BEND7: variants seen among roughly 807,000 people sequenced by gnomAD.
BEND7 encodes the protein BEN domain-containing protein 7.
Under a neutral mutation model 50.9 loss-of-function variants are expected in BEND7, and 28 were observed. The ratio of observed to expected loss-of-function variants is 0.55; its 90% CI spans 0.41 to 0.75. BEND7 has a LOEUF of 0.75. BEND7 is among the 30% of genes least tolerant of loss of function. The pLI is 0.00. For synonymous variants in BEND7, 170 were observed against 183.9 expected (o/e 0.92, Z 0.61); for missense variants, 477 against 491.3 (o/e 0.97, Z 0.28).
intron 6 of BEND7, among the ~76,000 whole-genome samples, chr10:13,469,774 C>T (rs900117413): frequency 1.3e-5 from 2 of 152,260 alleles, no homozygotes; most frequent in East Asian, 1.9e-4. Flanking sequence ...CGTGCCCAGC[C>T]GAAAGTTATG....
intron 6 of BEND7, among the ~76,000 whole-genome samples, chr10:13,477,099 A>T (rs942522278): frequency 1.3e-5 from 2 of 152,054 alleles, no homozygotes; most frequent in African/African-American, 4.8e-5. Context: ...TTTTCAGTCC[A>T]TTTCTGTTCC....
intron 2 of BEND7, chr10:13,500,743 G>T (rs2077382820): frequency 1.0e-6 from 1 of 985,424 alleles, no homozygotes; most frequent in Non-Finnish European, 1.2e-6. Flanking sequence ...AAGCGAGGGG[G>T]TTTTGTCTTT....
intron 6 of BEND7, among the ~76,000 whole-genome samples, chr10:13,470,224 G>A (rs1026236445): frequency 1.3e-5 from 2 of 152,186 alleles, no homozygotes; most frequent in African/African-American, 2.4e-5. Flanking sequence ...TGGCACATAT[G>A]GAGCCATTGT....
rs138488053 is a variant in BEND7, at chr10:13,516,299, C to T, written c.145+9839G>A. Among the ~76,000 whole-genome samples, 728 of 152,268 alleles carry T rather than the reference C, an allele frequency of 4.8e-3. 14 individuals are homozygous for T. The South Asian group carries it at 0.071, about 15-fold the overall frequency. On this transcript the variant is annotated intron_variant, in intron 2 of 8. Coordinates refer to ENST00000466271, the MANE Select transcript of BEND7 (RefSeq NM_001369863.1). Reference sequence around the variant, plus strand: ...GCCAGGGCCCTGGTGTTGCAAGATTCCAGGGGTGCTGTCCCTTGTGCCATG... The same window carrying T: ...GCCAGGGCCCTGGTGTTGCAAGATTTCAGGGGTGCTGTCCCTTGTGCCATG...
Position 13,441,441 on chromosome 10 carries a change from C to CGGGG in BEND7, c.*301_*302insCCCC. ...CGTATTTCCAGTGTGTAGATCCGTT[C>CGGGG]ATCGCACACATCTTTGGGTTGAACA... On this transcript the variant is annotated 3_prime_UTR_variant, in exon 9 of 9. Transcript: ENST00000466271. 8.9e-7 allele frequency: 1 copy of CGGGG among 1,124,882 alleles called. No homozygotes were observed. Among genetic ancestry groups the CGGGG allele is most frequent in the Non-Finnish European group, 1.1e-6 (1 of 929,684 alleles). The allele number at this position is 1,124,882 out of a possible 1,614,324, so 69.7% of individuals were successfully genotyped here. A position where few individuals can be genotyped will look rare whatever the true frequency, so the allele number is the denominator to read the frequency against.
rs563856728 is a variant in BEND7 at position 13,483,344 on chromosome 10, A to T, written c.838-2220T>A. ...TTCTTCATGCGCTCATACTGTTTCTAAGAACTCTGTTTACAGCACTTTTCA... is the reference window on the plus strand; with the variant it reads ...TTCTTCATGCGCTCATACTGTTTCTTAGAACTCTGTTTACAGCACTTTTCA... On this transcript the variant is annotated intron_variant, in intron 5 of 8. Coordinates refer to ENST00000466271, the MANE Select transcript of BEND7 (RefSeq NM_001369863.1). 2.6e-4 allele frequency among the ~76,000 whole-genome samples: 39 copies of T among 152,294 alleles called. No individual in the cohort carries two copies. The South Asian group carries it at 8.1e-3, about 32-fold the overall frequency.
intron 5 of BEND7, among the ~76,000 whole-genome samples, chr10:13,490,396 T>C (rs374672395): frequency 7.9e-5 from 12 of 152,230 alleles, no homozygotes; most frequent in Non-Finnish European, 1.8e-4. Flanking sequence ...CGCGTCTCAG[T>C]TGAAGTCTCA....
chr10:13,503,712 A>AAACAAAC (rs147816579), intron 2 of BEND7, among the ~76,000 whole-genome samples: 2 of 151,238 alleles, frequency 1.3e-5, no homozygotes, highest in Non-Finnish European at 3.0e-5. Context: ...ACTCCATCTC[A>AAACAAAC]AAACAAACAA....
At chr10:13,528,201 G>A (rs1372228360) in intron 1 of BEND7, among the ~76,000 whole-genome samples, 3 of 151,942 alleles carry the variant, frequency 2.0e-5, no homozygotes, top group South Asian at 4.1e-4. Context: ...GGCGCCCCGA[G>A]GAGGGCTCGG....
intron 8 of BEND7, chr10:13,444,483 A>C (rs1835870969): frequency 6.6e-6 from 1 of 152,214 alleles, no homozygotes; most frequent in Non-Finnish European, 1.5e-5. Flanking sequence ...AAAGACCTTA[A>C]AAAAGTAATA....
At chr10:13,510,950 G>A (rs912682278) in intron 2 of BEND7, among the ~76,000 whole-genome samples, 9 of 152,142 alleles carry the variant, frequency 5.9e-5, no homozygotes, top group African/African-American at 9.7e-5. Flanking sequence ...GGCTGAGGTG[G>A]ACGGATCACT....
chr10:13,515,510 T>C (rs532468050), intron 2 of BEND7, among the ~76,000 whole-genome samples: 4 of 152,348 alleles, frequency 2.6e-5, no homozygotes, highest in East Asian at 1.9e-4. Flanking sequence ...TACAAGGATA[T>C]TGGTTGTATG....
chr10:13,472,483 T>TA (rs1198213131), intron 6 of BEND7, among the ~76,000 whole-genome samples: 1 of 152,062 alleles, frequency 6.6e-6, no homozygotes, highest in Non-Finnish European at 1.5e-5. Flanking sequence ...TCATTGCTGT[T>TA]AGACTCGGGG....
chr10:13,492,438 A>C (rs1462915252), intron 5 of BEND7, among the ~76,000 whole-genome samples, 173 bp downstream of exon 5: 1 of 152,268 alleles, frequency 6.6e-6, no homozygotes, highest in Non-Finnish European at 1.5e-5. Flanking sequence ...ATAAGGCATC[A>C]CATTTTCAGA....
intron 6 of BEND7, among the ~76,000 whole-genome samples, chr10:13,461,077 G>A (rs1458216797): frequency 6.6e-6 from 1 of 152,198 alleles, no homozygotes; most frequent in African/African-American, 2.4e-5. Flanking sequence ...GTGGGAGTGG[G>A]TAGCGGGGAA....
intron 2 of BEND7, among the ~76,000 whole-genome samples, chr10:13,514,769 G>A (rs1030470004): frequency 2.0e-5 from 3 of 152,184 alleles, no homozygotes; most frequent in Non-Finnish European, 4.4e-5. Flanking sequence ...AGTCTTGCTA[G>A]TAATTGAAAA....
chr10:13,477,309 CA>C (rs968185598), intron 6 of BEND7, among the ~76,000 whole-genome samples: 7 of 152,146 alleles, frequency 4.6e-5, no homozygotes, highest in Non-Finnish European at 8.8e-5. Flanking sequence ...CATTATCCCA[CA>C]AGAGATCAAG....
In BEND7 at chr10:13,503,225, G is replaced by A. The variant is rs192514797; in HGVS notation, c.146-3145C>T. ...GTGAGGGGTTCTGGCGGTGGGCTGCGCCTGCCGTGTGCAGAAACATGTCTC... is the reference window on the plus strand; with the variant it reads ...GTGAGGGGTTCTGGCGGTGGGCTGCACCTGCCGTGTGCAGAAACATGTCTC... On this transcript the variant is annotated intron_variant, in intron 2 of 8. Transcript: ENST00000466271. 7.6e-4 allele frequency among the ~76,000 whole-genome samples: 115 copies of A among 152,288 alleles called. 1 individual carries two copies. The highest frequency in any genetic ancestry group is 3.4e-3 in the Middle Eastern group (1 of 294).
At chr10:13,501,956 C>A (rs1198289446) in intron 2 of BEND7, among the ~76,000 whole-genome samples, 1 of 152,036 alleles carries the variant, frequency 6.6e-6, no homozygotes, top group East Asian at 1.9e-4. Flanking sequence ...TAACAGACAG[C>A]ATCTGTTAAG....
Sources: allele counts gnomAD v4.1 joint callset (sites outside exome capture counted in the v4.1 genomes callset), GRCh38; gene constraint gnomAD v4.1.1; transcripts MANE v1.5; gene names NCBI Gene and HGNC (gene_info 2026-07-23, HGNC 2026-07-21).